Variants in ADD3 observed in about 807,000 individuals in gnomAD.
The protein encoded by ADD3 is adducin 3, also known as gamma-adducin.
A neutral mutation model predicts 80.2 loss-of-function variants in ADD3; 25 were observed. The ratio of observed to expected loss-of-function variants is 0.31; its 90% CI spans 0.23 to 0.44. ADD3 has a LOEUF of 0.44. ADD3 is among the 20% of genes least tolerant of loss of function. The pLI is 1.00. For missense variants in ADD3, 829 were observed against 847.5 expected (o/e 0.98, Z 0.27); for synonymous variants, 284 against 289.6 (o/e 0.98, Z 0.20).
At chr10:110,128,299 A>AT (rs1040730988) in intron 12 of ADD3, among the ~76,000 whole-genome samples, 5 of 150,696 alleles carry the variant, frequency 3.3e-5, no homozygotes, top group African/African-American at 9.7e-5. Context: ...TGAGCCTCTG[A>AT]TTTTTTTCTT....
intron 1 of ADD3, among the ~76,000 whole-genome samples, chr10:110,085,127 A>G (rs1390793360): frequency 2.6e-5 from 4 of 152,164 alleles, no homozygotes; most frequent in Non-Finnish European, 5.9e-5. Context: ...CAATGTATAC[A>G]TACATTTTTA....
rs755460336 is a variant in ADD3 at position 110,124,117 on chromosome 10, T to C, written c.1244T>C (p.Phe415Ser). The C allele has an allele frequency of 6.2e-7, 1 of 1,614,160 alleles. No individual in the cohort carries two copies. The highest frequency in any genetic ancestry group is 1.3e-5 in the African/African-American group (1 of 75,040). The change falls in exon 10 of 15, where the codon TTT becomes TCT. Residue 415 changes from phenylalanine (F) to serine (S), a missense_variant. Phe to Ser is a radical substitution (Grantham distance 155). Coordinates refer to ENST00000356080, the MANE Select transcript of ADD3 (RefSeq NM_016824.5). ...EIPATVTAFS[F>S]EDDTVPLSPL... is the part of the protein sequence containing the mutation. ...CCAGCAACTGTGACTGCTTTTTCCT[T>C]TGAAGACGATACAGTGCCACTCTCT...
intron 2 of ADD3, among the ~76,000 whole-genome samples, chr10:110,102,496 A>C (rs533503466): frequency 2.5e-4 from 38 of 152,280 alleles, no homozygotes; most frequent in African/African-American, 8.9e-4. Flanking sequence ...GTAGTCTCAT[A>C]CTTGGGAGGC....
chr10:110,053,317 G>T (rs1027923959), intron 1 of ADD3, among the ~76,000 whole-genome samples: 3 of 151,882 alleles, frequency 2.0e-5, no homozygotes, highest in Non-Finnish European at 4.4e-5. Flanking sequence ...TGTGGCAAAT[G>T]ATAATGGAAT....
intron 5 of ADD3, among the ~76,000 whole-genome samples, chr10:110,117,758 G>A (rs1234382170): frequency 1.3e-5 from 2 of 151,856 alleles, no homozygotes; most frequent in East Asian, 3.9e-4. Context: ...GCTCACGCCT[G>A]TAATCCAAGC....
At chr10:110,130,223 A>G in intron 12 of ADD3, 140 bp from the exon 13 acceptor site, 1 of 827,664 alleles carries the variant, frequency 1.2e-6, no homozygotes, top group East Asian at 2.6e-5. Context: ...AAAGCATGTT[A>G]CCTTGCATTT....
At chr10:110,020,191 A>G (rs1853507945) in intron 1 of ADD3, among the ~76,000 whole-genome samples, 1 of 152,124 alleles carries the variant, frequency 6.6e-6, no homozygotes, top group Non-Finnish European at 1.5e-5. Flanking sequence ...TCATTCAACA[A>G]ATATTTATTG....
chr10:110,020,925 T>A (rs1589751455), intron 1 of ADD3, among the ~76,000 whole-genome samples: 1 of 152,312 alleles, frequency 6.6e-6, no homozygotes, highest in Non-Finnish European at 1.5e-5. Context: ...AGAGTTCAGT[T>A]TGAGACATTC....
chr10:110,008,741 G>T (rs534744711), intron 1 of ADD3, among the ~76,000 whole-genome samples: 1 of 152,282 alleles, frequency 6.6e-6, no homozygotes, highest in African/African-American at 2.4e-5. Context: ...AGGAAAGGGA[G>T]CGAATGTTGG....
In ADD3 at chr10:110,050,397, A is replaced by G. The variant is rs562576119; in HGVS notation, c.-30+42098A>G. ...GATTTTATAAGGGGTTTCCCCTTTA[A>G]CTTGGCTCTCATTCTCTCTTGTCTG... On this transcript the variant is annotated intron_variant, in intron 1 of 14. Transcript: ENST00000356080. Among the ~76,000 whole-genome samples the G allele has an allele frequency of 1.2e-3, 187 of 151,992 alleles. 1 individual carries two copies. Among genetic ancestry groups the G allele is most frequent in the African/African-American group, 4.2e-3 (176 of 41,466 alleles).
At chr10:110,109,818 A>G (rs1461719473) in intron 2 of ADD3, among the ~76,000 whole-genome samples, 2 of 152,142 alleles carry the variant, frequency 1.3e-5, no homozygotes, top group East Asian at 1.9e-4. Flanking sequence ...ACTTGTCTGT[A>G]TGAAGGTGTC....
At chr10:110,116,214 G>A (rs746397919) in intron 3 of ADD3, 45 bp from the exon 4 acceptor site, 1 of 1,602,684 alleles carries the variant, frequency 6.2e-7, no homozygotes, top group South Asian at 1.1e-5. Flanking sequence ...TCCAGGTAAG[G>A]GATTGCATGA....
intron 1 of ADD3, among the ~76,000 whole-genome samples, chr10:110,024,434 T>A (rs912218311): frequency 6.6e-6 from 1 of 152,242 alleles, no homozygotes; most frequent in Non-Finnish European, 1.5e-5. Context: ...AGTAAGACTT[T>A]TTGCACATTT....
upstream of ADD3, chr10:110,006,016 C>CGCTGCT (rs202094866): frequency 1.7e-5 from 4 of 231,522 alleles, no homozygotes; most frequent in South Asian, 2.0e-4. Context: ...CCGCCGCCGC[C>CGCTGCT]GCTGCTGCTG....
At chr10:110,041,736 A>G (rs1328421266) in intron 1 of ADD3, among the ~76,000 whole-genome samples, 1 of 152,228 alleles carries the variant, frequency 6.6e-6, no homozygotes, top group Non-Finnish European at 1.5e-5. Flanking sequence ...TATGTTTAAA[A>G]AGCAACTAGT....
At chr10:110,069,529 A>C (rs1844408055) in intron 1 of ADD3, among the ~76,000 whole-genome samples, 1 of 152,108 alleles carries the variant, frequency 6.6e-6, no homozygotes, top group African/African-American at 2.4e-5. Context: ...TACAAAACAT[A>C]ATGCTTATTA....
At chr10:110,097,073 A>G (rs1848254078) in intron 1 of ADD3, among the ~76,000 whole-genome samples, 1 of 152,210 alleles carries the variant, frequency 6.6e-6, no homozygotes, top group Non-Finnish European at 1.5e-5. Flanking sequence ...CAGCTTTACA[A>G]AATACATGGT....
intron 1 of ADD3, among the ~76,000 whole-genome samples, chr10:110,063,736 ATTATATATATAT>A (rs1366067842): frequency 2.4e-4 from 11 of 45,814 alleles, no homozygotes; most frequent in African/African-American, 8.8e-4. Flanking sequence ...ATATATATTC[ATTATATATATAT>A]ATATATATAT....
intron 3 of ADD3, among the ~76,000 whole-genome samples, chr10:110,115,653 A>G (rs1850640742): frequency 6.6e-6 from 1 of 152,226 alleles, no homozygotes; most frequent in African/African-American, 2.4e-5. Flanking sequence ...ATAGTATCAC[A>G]TGGGCCTCGA....
Sources: gnomAD v4.1 joint callset for allele counts (sites outside exome capture counted in the v4.1 genomes callset) on GRCh38, gnomAD v4.1.1 for gene constraint, MANE v1.5 for transcripts, NCBI Gene and HGNC (gene_info 2026-07-23, HGNC 2026-07-21) for gene names.